Variants in MFRP observed in about 807,000 individuals in gnomAD.
The protein encoded by MFRP is membrane frizzled-related protein.
MFRP carries 74 observed loss-of-function variants against 65.8 expected under a neutral mutation model. The observed-to-expected ratio is 1.12, with a 90% CI of 0.93 to 1.36. The LOEUF (loss-of-function observed/expected upper bound fraction) is 1.36. MFRP is among the 40% of genes most tolerant of loss of function. The pLI, the probability that MFRP is intolerant of heterozygous loss-of-function variation, is 0.00. For missense variants in MFRP, 838 were observed against 736.0 expected (o/e 1.14, Z -1.60); for synonymous variants, 336 against 288.3 (o/e 1.17, Z -1.68).
Position 119,342,907 on chromosome 11 carries a change from G to A in MFRP, c.1221C>T (p.Phe407=). ...RTDHGISSGG[F]SATYLAFNAT... ...CATTGAAGGCCAGGTAGGTGGCTGA[G>A]AAGCCTCCACTGCTGATGCCATGAT... is the stretch of plus-strand genomic sequence containing the variant. The change falls in exon 10 of 15, where the codon TTC becomes TTT. Residue 407 remains phenylalanine (F), a synonymous_variant. Transcript: ENST00000619721. 6.2e-7 allele frequency: 1 copy of A among 1,613,004 alleles called. No individual in the cohort carries two copies. The highest frequency in any genetic ancestry group is 1.1e-5 in the South Asian group (1 of 91,072).
At position 119,346,520 on chromosome 11, in the gene MFRP, AGGCTCTGCAT is replaced by A; in HGVS notation, c.-17_-8del. The A allele has an allele frequency of 6.2e-7, 1 of 1,613,970 alleles. No homozygotes were observed. The highest frequency in any genetic ancestry group is 1.1e-5 in the South Asian group (1 of 91,080). On this transcript the variant is annotated 5_prime_UTR_variant, in exon 1 of 15. The change abolishes an upstream ATG in the 5' untranslated region. Coordinates refer to ENST00000619721, the MANE Select transcript of MFRP (RefSeq NM_031433.4). ...CATCTGAGAAGTCCTTCATGGCACA[AGGCTCTGCAT>A]GGCTTTCTGGAGTCCCTGTGACAGC...
At position 119,343,020 on chromosome 11, in the gene MFRP, G is replaced by T; in HGVS notation, c.1125-17C>A. The T allele has an allele frequency of 6.3e-7, 1 of 1,589,154 alleles. No individual in the cohort carries two copies. The highest frequency in any genetic ancestry group is 8.5e-7 in the Non-Finnish European group (1 of 1,169,714). On this transcript the variant is annotated splice_polypyrimidine_tract_variant and intron_variant, in intron 9 of 14. Transcript: ENST00000619721. ...CCACAGAACCTGCCCAAAGCAGACA[G>T]CTGTTCTGGGCACCAGCCCTGGCTG...
rs970839210 is a variant in MFRP at position 119,346,077 on chromosome 11, C to T, written c.240G>A (p.Leu80=). The part of the protein sequence containing the change: ...VLLLSSLLLL[L]LGLLVAIILA... ...GGATGATGGCCACCAGCAGCCCAAGCAGCAGGAGGAGCAGGCTGGAGAGCA... is the reference window on the plus strand; with the variant it reads ...GGATGATGGCCACCAGCAGCCCAAGTAGCAGGAGGAGCAGGCTGGAGAGCA... Residue 80 remains leucine, a synonymous_variant, in exon 3 of 15, where the codon CTG becomes CTA. Transcript: ENST00000619721. 3.7e-6 allele frequency: 6 copies of T among 1,610,156 alleles called. No individual in the cohort carries two copies. Among genetic ancestry groups the T allele is most frequent in the Middle Eastern group, 1.6e-4 (1 of 6,080 alleles).
Position 119,346,309 on chromosome 11 carries a change from T to C in MFRP, c.120A>G (p.Pro40=). ...CTGGGACGCTGTAGCTGGCATCCTCTGGGAAAACTGGGGGAGGGCAGGGTG... is the reference window on the plus strand; with the variant it reads ...CTGGGACGCTGTAGCTGGCATCCTCCGGGAAAACTGGGGGAGGGCAGGGTG... ...SGPPCPPPVF[P]EDASYSVPAP... is the part of the protein sequence containing the mutation. The change falls in exon 2 of 15, where the codon CCA becomes CCG. Residue 40 remains proline (P), a synonymous_variant. Coordinates refer to ENST00000619721, the MANE Select transcript of MFRP (RefSeq NM_031433.4). 6.2e-7 allele frequency: 1 copy of C among 1,613,772 alleles called. No homozygotes were observed. The highest frequency in any genetic ancestry group is 8.5e-7 in the Non-Finnish European group (1 of 1,179,912).
rs749995433 is a variant in MFRP at position 119,340,368 on chromosome 11, C to T, written c.*926G>A. 6 of 1,544,784 alleles carry T rather than the reference C, an allele frequency of 3.9e-6. No homozygotes were observed. In the South Asian group the frequency reaches 7.2e-5, roughly 18 times the overall value. On this transcript the variant is annotated 3_prime_UTR_variant, in exon 14 of 15. Coordinates refer to ENST00000619721, the MANE Select transcript of MFRP (RefSeq NM_031433.4). ...GTGGGGGCGAGCCGGCCGCCAGGCC[C>T]AGGAGCAGCAGGACGAGGAGTGGCC...
At position 119,345,422 on chromosome 11, in the gene MFRP, G is replaced by A. The variant is rs777701452; in HGVS notation, c.639C>T (p.Leu213=). 1 of 1,613,770 alleles carries A rather than the reference G, an allele frequency of 6.2e-7. No individual in the cohort carries two copies. The highest frequency in any genetic ancestry group is 2.2e-5 in the East Asian group (1 of 44,890). ...ELSPEPEGPL[L]RVCGRVPPPT... ...GTCCTGGGGACAGAGGGACCTACCT[G>A]AGGAGGGGGCCTTCAGGCTCAGGGG... Residue 213 remains leucine (L), a splice_region_variant and synonymous_variant, in exon 5 of 15, where the codon CTC becomes CTT. Transcript: ENST00000619721.
At chr11:119,343,987 C>A (rs1186119462) in intron 8 of MFRP, 23 bp from the exon 9 acceptor site, 1 of 1,609,854 alleles carries the variant, frequency 6.2e-7, no homozygotes, top group Non-Finnish European at 8.5e-7. Context: ...ATAGGTGGAG[C>A]AATTCATGGC....
At chr11:119,342,134 C>T (rs1031619048) in intron 11 of MFRP, 150 bp from the exon 12 acceptor site, 2 of 965,410 alleles carry the variant, frequency 2.1e-6, no homozygotes, top group African/African-American at 1.6e-5. Flanking sequence ...ACAGGCTGTA[C>T]ACACTCTGAG....
rs1950547155 is a variant in MFRP at position 119,345,109 on chromosome 11, T to C, written c.642-105A>G. On this transcript the variant is annotated intron_variant, in intron 5 of 14. Transcript: ENST00000619721. Reference sequence around the variant, plus strand: ...CCTATTTTCTCAACCCCCAAACTGGTGACCATGTGGTCAAAAAGGCTCCTC... The same window carrying C: ...CCTATTTTCTCAACCCCCAAACTGGCGACCATGTGGTCAAAAAGGCTCCTC... The C allele has an allele frequency of 4.8e-6, 7 of 1,455,518 alleles. No individual in the cohort carries two copies. In the East Asian group the frequency reaches 1.7e-4, roughly 36 times the overall value. The allele number at this position is 1,455,518 out of a possible 1,614,324, so 90.2% of individuals were successfully genotyped here.
At chr11:119,345,047 G>A (rs759385881) in intron 5 of MFRP, 43 bp from the exon 6 acceptor site, 32 of 1,584,862 alleles carry the variant, frequency 2.0e-5, no homozygotes, top group Non-Finnish European at 2.7e-5. Flanking sequence ...TCCAAGAGCA[G>A]GGTCAGCCAG....
Position 119,339,784 on chromosome 11 carries a change from C to T in MFRP, c.*1175G>A, listed in dbSNP as rs1365849836. On this transcript the variant is annotated 3_prime_UTR_variant, in exon 15 of 15. Coordinates refer to ENST00000619721, the MANE Select transcript of MFRP (RefSeq NM_031433.4). The surrounding 1 kb of genome is among the most constrained non-coding windows in gnomAD (Gnocchi z 5.4). ...GAGGCACCGAGCACTCCCCGGCAGG[C>T]CCGGTGGGCCCCGCGGGTCCCGCCT... The T allele has an allele frequency of 6.6e-7, 1 of 1,514,356 alleles. No individual in the cohort carries two copies. 93.8% of individuals were successfully genotyped at this position (1,514,356 alleles called of 1,614,324 possible). A position where few individuals can be genotyped will look rare whatever the true frequency, so the allele number is the denominator to read the frequency against.
At chr11:119,345,140 T>C (rs1664107107) in intron 5 of MFRP, 136 bp from the exon 6 acceptor site, 1 of 1,179,190 alleles carries the variant, frequency 8.5e-7, no homozygotes. Flanking sequence ...TCCTCTGATG[T>C]CCCAGGGAGC....
In MFRP at chr11:119,339,224, T is replaced by A; in HGVS notation, c.*1735A>T. ...CGGAGAGTGCTCTACCCCACCTCCC[T>A]AGTCATTCACAATATTCCAGGGGGG... On this transcript the variant is annotated 3_prime_UTR_variant, in exon 15 of 15. Coordinates refer to ENST00000619721, the MANE Select transcript of MFRP (RefSeq NM_031433.4). This position sits in a 1 kb window ranked among gnomAD's most constrained non-coding sequence, Gnocchi z 5.4. 2 of 1,289,826 alleles carry A rather than the reference T, an allele frequency of 1.6e-6. No individual in the cohort carries two copies. Among genetic ancestry groups the A allele is most frequent in the Non-Finnish European group, 2.2e-6 (2 of 929,334 alleles). 79.9% of individuals were successfully genotyped at this position (1,289,826 alleles called of 1,614,324 possible).
intron 11 of MFRP, 141 bp from the exon 12 acceptor site, chr11:119,342,125 C>G: frequency 9.9e-7 from 1 of 1,005,208 alleles, no homozygotes; most frequent in Non-Finnish European, 1.5e-6. Context: ...AACAAAGAGA[C>G]AGGCTGTACA....
At chr11:119,345,165 C>T (rs916402716) in intron 5 of MFRP, among the ~76,000 whole-genome samples, 161 bp from the exon 6 acceptor site, 2 of 152,210 alleles carry the variant, frequency 1.3e-5, no homozygotes, top group African/African-American at 2.4e-5. Context: ...ACCTTCCTAG[C>T]ACCTGCACAT....
intron 13 of MFRP, 27 bp downstream of exon 13, chr11:119,340,668 C>G (rs1434535956): frequency 2.0e-6 from 1 of 500,626 alleles, no homozygotes; most frequent in Non-Finnish European, 3.5e-6. Flanking sequence ...CCTCCCCAGC[C>G]CCTTTCCCCT....
In MFRP at chr11:119,344,956, G is replaced by A; in HGVS notation, c.690C>T (p.His230=). The A allele has an allele frequency of 6.2e-7, 1 of 1,609,980 alleles. No homozygotes were observed. Among genetic ancestry groups the A allele is most frequent in the Non-Finnish European group, 8.5e-7 (1 of 1,178,680 alleles). ...TGTCAGAGACGAAGACCACCAGGAG[G>A]TGGCTGGCATTGGTGTTGAGCGTGG... ...PPPTLNTNAS[H]LLVVFVSDSS... Residue 230 remains histidine, a synonymous_variant, in exon 6 of 15, where the codon CAC becomes CAT. Transcript: ENST00000619721.
At chr11:119,345,055 C>T in intron 5 of MFRP, 51 bp from the exon 6 acceptor site, 1 of 1,579,528 alleles carries the variant, frequency 6.3e-7, no homozygotes, top group Non-Finnish European at 8.6e-7. Flanking sequence ...CAGGGTCAGC[C>T]AGAGAGGAGC....
rs753835210 is a variant in MFRP at position 119,344,386 on chromosome 11, C to G, written c.904G>C (p.Gly302Arg). Reference protein sequence around the residue: ...TNCSAKFSGCGGNLTGLQGTF... With the variant: ...TNCSAKFSGCRGNLTGLQGTF... ...CCCTGGAGGCCAGTCAGATTCCCCC[C>G]ACACCCTGTAGAGAGGTGGAAGGGC... The change falls in exon 8 of 15, where the codon GGG (glycine) becomes CGG (arginine). Residue 302 changes from glycine to arginine, a missense_variant. Gly to Arg is a moderately radical substitution (Grantham distance 125). Coordinates refer to ENST00000619721, the MANE Select transcript of MFRP (RefSeq NM_031433.4). 3 of 1,613,644 alleles carry G rather than the reference C, an allele frequency of 1.9e-6. No individual in the cohort carries two copies. The highest frequency in any genetic ancestry group is 2.7e-5 in the African/African-American group (2 of 75,006).
Sources: gnomAD v4.1 joint callset for allele counts (sites outside exome capture counted in the v4.1 genomes callset) on GRCh38, gnomAD v4.1.1 for gene constraint, Gnocchi (gnomAD v3.1) non-coding constraint, MANE v1.5 for transcripts, NCBI Gene and HGNC (gene_info 2026-07-23, HGNC 2026-07-21) for gene names.